Variants in SGK3 observed in about 807,000 individuals in gnomAD.
The protein encoded by SGK3 is serum/glucocorticoid regulated kinase family member 3.
Under a neutral mutation model 68.5 loss-of-function variants are expected in SGK3, and 47 were observed. The ratio of observed to expected loss-of-function variants is 0.69; its 90% confidence interval spans 0.54 to 0.87. The LOEUF is 0.87. SGK3 is among the 40% of genes least tolerant of loss of function. The pLI, the probability that SGK3 is intolerant of heterozygous loss-of-function variation, is 0.00. For synonymous variants in SGK3, 181 were observed against 189.1 expected (o/e 0.96, Z 0.35); for missense variants, 479 against 575.5 (o/e 0.83, Z 1.72).
chr8:66,738,632 CTT>C (rs113377762), intron 1 of SGK3, among the ~76,000 whole-genome samples: 11 of 145,608 alleles, frequency 7.6e-5, no homozygotes, highest in African/African-American at 1.7e-4. Flanking sequence ...GATCCACTTT[CTT>C]TTTTTTTTTT....
At chr8:66,855,915 A>G (rs1810489628) in intron 16 of SGK3, among the ~76,000 whole-genome samples, 1 of 152,204 alleles carries the variant, frequency 6.6e-6, no homozygotes, top group Admixed American at 6.5e-5. Context: ...AAATCCTGAC[A>G]ACAATCCTAT....
chr8:66,808,919 G>C (rs561323875), intron 4 of SGK3, among the ~76,000 whole-genome samples: 1 of 152,044 alleles, frequency 6.6e-6, no homozygotes, highest in African/African-American at 2.4e-5. Context: ...GCTCAGGCTG[G>C]AGTGCAGTGG....
chr8:66,778,618 A>G (rs1173343736), intron 1 of SGK3, among the ~76,000 whole-genome samples: 1 of 152,226 alleles, frequency 6.6e-6, no homozygotes, highest in African/African-American at 2.4e-5. Flanking sequence ...TTAAACAAAC[A>G]TGAACTTAAA....
intron 1 of SGK3, among the ~76,000 whole-genome samples, chr8:66,774,267 C>A (rs1222643194): frequency 6.6e-6 from 1 of 152,116 alleles, no homozygotes; most frequent in Non-Finnish European, 1.5e-5. Context: ...ATAAAGGTTA[C>A]CGTATGTCAA....
Position 66,820,127 on chromosome 8 carries a change from A to G in SGK3, c.330-2245A>G, listed in dbSNP as rs911489058. Among the ~76,000 whole-genome samples, 11 of 152,104 alleles carry G rather than the reference A, an allele frequency of 7.2e-5. No individual in the cohort carries two copies. The East Asian group carries it at 1.7e-3, about 24-fold the overall frequency. On this transcript the variant is annotated intron_variant, in intron 5 of 16. Coordinates refer to ENST00000521198, the MANE Select transcript of SGK3 (RefSeq NM_001033578.3). ...CACTGCACCCAGCCCAGTAGTTTTT[A>G]GTGTATTCACGATGCTTTACAACCA...
chr8:66,824,930 C>T (rs1563647292), intron 6 of SGK3, among the ~76,000 whole-genome samples: 1 of 151,898 alleles, frequency 6.6e-6, no homozygotes, highest in Non-Finnish European at 1.5e-5. Context: ...TTTAAAAAAC[C>T]TTTTTCCTAA....
intron 1 of SGK3, among the ~76,000 whole-genome samples, chr8:66,782,667 AT>A (rs1229923768): frequency 6.6e-6 from 1 of 152,134 alleles, no homozygotes; most frequent in African/African-American, 2.4e-5. Context: ...GCAGCTGCTG[AT>A]CTTTTTACTG....
intron 1 of SGK3, among the ~76,000 whole-genome samples, chr8:66,731,416 C>T (rs897591719): frequency 3.9e-5 from 6 of 152,078 alleles, no homozygotes; most frequent in African/African-American, 1.4e-4. Context: ...AAATTCGTTA[C>T]CAAGATAAAA....
chr8:66,793,751 C>A lies in SGK3; in HGVS notation c.15C>A (p.His5Gln). 1.2e-6 allele frequency: 2 copies of A among 1,613,186 alleles called. No homozygotes were observed. The highest frequency in any genetic ancestry group is 1.7e-6 in the Non-Finnish European group (2 of 1,179,442). Residue 5 changes from histidine to glutamine, a missense_variant, in exon 2 of 17, where the codon CAC (histidine) becomes CAA (glutamine). This residue lies in a region of SGK3 where 298 missense variants were observed against 329.4 expected (regional missense o/e 0.90). Coordinates refer to ENST00000521198, the MANE Select transcript of SGK3 (RefSeq NM_001033578.3). The stretch of plus-strand genomic sequence containing the variant: ...TGAGGGATTAAATGCAAAGAGATCA[C>A]ACCATGGACTACAAGGAAAGCTGCC... MQRD[H>Q]TMDYKESCPS...
intron 16 of SGK3, among the ~76,000 whole-genome samples, chr8:66,852,703 G>A (rs1810345099): frequency 6.6e-6 from 1 of 152,130 alleles, no homozygotes; most frequent in Non-Finnish European, 1.5e-5. Context: ...ATTAATAGGT[G>A]TAATATTTTA....
At chr8:66,837,599 G>A (rs1563653455) in intron 10 of SGK3, among the ~76,000 whole-genome samples, 1 of 152,066 alleles carries the variant, frequency 6.6e-6, no homozygotes, top group Non-Finnish European at 1.5e-5. Flanking sequence ...TGGGCAACAT[G>A]GCGAAACCCC....
intron 1 of SGK3, among the ~76,000 whole-genome samples, chr8:66,766,653 T>G (rs1585685985): frequency 6.6e-6 from 1 of 152,230 alleles, no homozygotes; most frequent in South Asian, 2.1e-4. Context: ...CTAACTATAA[T>G]TGTGGGTGTG....
At chr8:66,845,458 A>G (rs1809970216) in intron 14 of SGK3, among the ~76,000 whole-genome samples, 1 of 152,204 alleles carries the variant, frequency 6.6e-6, no homozygotes, top group Non-Finnish European at 1.5e-5. Flanking sequence ...TCTTTCCTAC[A>G]CAAAGGAAAG....
At chr8:66,801,704 AT>A (rs1343180084) in intron 3 of SGK3, among the ~76,000 whole-genome samples, 2 of 151,808 alleles carry the variant, frequency 1.3e-5, no homozygotes, top group South Asian at 2.1e-4. Flanking sequence ...CACCACATAC[AT>A]TTGAGACTTC....
At chr8:66,789,256 G>A (rs1042494394) in intron 1 of SGK3, among the ~76,000 whole-genome samples, 4 of 152,150 alleles carry the variant, frequency 2.6e-5, no homozygotes, top group African/African-American at 9.7e-5. Context: ...AAATGGCCAA[G>A]TTAAATGGGG....
intron 13 of SGK3, among the ~76,000 whole-genome samples, chr8:66,842,707 T>C (rs937247929): frequency 5.3e-5 from 8 of 152,200 alleles, no homozygotes; most frequent in Admixed American, 3.3e-4. Flanking sequence ...ATTGCTGTTA[T>C]AATTCTCAGA....
chr8:66,727,890 T>A (rs1203058462), intron 1 of SGK3, among the ~76,000 whole-genome samples: 2 of 152,228 alleles, frequency 1.3e-5, no homozygotes, highest in African/African-American at 4.8e-5. Context: ...ACTGGAAAAG[T>A]TTAAAAAGAA....
chr8:66,840,146 G>A (rs150682004), intron 11 of SGK3, 31 bp downstream of exon 11: 19 of 1,601,858 alleles, frequency 1.2e-5, no homozygotes, highest in Admixed American at 6.9e-5. Context: ...TGTAAAAATT[G>A]TATATAACAA....
intron 1 of SGK3, among the ~76,000 whole-genome samples, chr8:66,718,449 ATGTGTG>A (rs34252246): frequency 1.0e-4 from 15 of 147,086 alleles, no homozygotes; most frequent in African/African-American, 2.5e-4. Context: ...TATATATATT[ATGTGTG>A]TGTGTGTGTG....
Sources: allele counts gnomAD v4.1 joint callset (sites outside exome capture counted in the v4.1 genomes callset), GRCh38; gene constraint gnomAD v4.1.1; regional missense constraint gnomAD v4.1.1; transcripts MANE v1.5; gene names NCBI Gene and HGNC (gene_info 2026-07-23, HGNC 2026-07-21).